The following TRPC4 variants were observed in gnomAD, a reference collection of about 807,000 sequenced individuals.
TRPC4 encodes the protein transient receptor potential cation channel subfamily C member 4.
TRPC4 carries 49 observed loss-of-function variants against 99.4 expected under a neutral mutation model. That is an observed-to-expected ratio of 0.49 (90% CI 0.39 to 0.63). TRPC4 has a LOEUF of 0.63. TRPC4 is among the 20% of genes least tolerant of loss of function. TRPC4 has a pLI of 0.00. For synonymous variants in TRPC4, 454 were observed against 425.9 expected (o/e 1.07, Z -0.81); for missense variants, 898 against 1,152.9 (o/e 0.78, Z 3.20).
In TRPC4 at chr13:37,755,063, T is replaced by C. The variant is rs533044139; in HGVS notation, c.379-8608A>G. Among the ~76,000 whole-genome samples the C allele has an allele frequency of 4.6e-5, 7 of 152,262 alleles. No individual in the cohort carries two copies. The East Asian group carries it at 1.2e-3, about 25-fold the overall frequency. On this transcript the variant is annotated intron_variant, in intron 2 of 10. Coordinates refer to ENST00000379705, the MANE Select transcript of TRPC4 (RefSeq NM_016179.4). ...TCTCTGTCACTAAAATATACATGTT[T>C]GAACCATTATTAATACTGAAGTCAA...
intron 1 of TRPC4, among the ~76,000 whole-genome samples, chr13:37,818,379 G>A (rs1191777138): frequency 6.6e-6 from 1 of 152,022 alleles, no homozygotes; most frequent in Non-Finnish European, 1.5e-5. Flanking sequence ...CAACCATTGG[G>A]GAAGACAGTG....
chr13:37,647,391 G>C (rs1355816819), intron 8 of TRPC4, among the ~76,000 whole-genome samples: 2 of 152,212 alleles, frequency 1.3e-5, no homozygotes, highest in African/African-American at 2.4e-5. Context: ...AACCAGCCTG[G>C]TAAACAAGGG....
chr13:37,692,542 G>T lies in TRPC4; in HGVS notation c.898-207C>A, dbSNP rs151323389. 3.5e-3 allele frequency among the ~76,000 whole-genome samples: 526 copies of T among 152,326 alleles called. 2 individuals carry two copies. The highest frequency in any genetic ancestry group is 0.012 in the African/African-American group (512 of 41,572). Reference sequence around the variant, plus strand: ...TTCTACCCAAGGCACAGTATGACATGCTTAGTGAGACATAACTGAAGTCAA... The same window carrying T: ...TTCTACCCAAGGCACAGTATGACATTCTTAGTGAGACATAACTGAAGTCAA... On this transcript the variant is annotated intron_variant, in intron 3 of 10. Transcript: ENST00000379705.
chr13:37,812,176 CAA>C lies in TRPC4; in HGVS notation c.-27-28818_-27-28817del, dbSNP rs61607544. On this transcript the variant is annotated intron_variant, in intron 1 of 10. Transcript: ENST00000379705. ...CCTAGGCAACAGACTGAGACTCTAT[CAA>C]AAAAAAAAAAAAAAAAACCAGGAGA... Among the ~76,000 whole-genome samples the C allele has an allele frequency of 8.0e-4, 44 of 55,164 alleles. 1 individual carries two copies. In the East Asian group the frequency reaches 0.022, roughly 27 times the overall value. 36.2% of individuals were successfully genotyped at this position (55,164 alleles called of 152,430 possible). A position where few individuals can be genotyped will look rare whatever the true frequency, so the allele number is the denominator to read the frequency against.
intron 1 of TRPC4, among the ~76,000 whole-genome samples, chr13:37,802,297 A>AT (rs1212333760): frequency 6.6e-6 from 1 of 152,038 alleles, no homozygotes; most frequent in Non-Finnish European, 1.5e-5. Flanking sequence ...ATTTCACCTT[A>AT]TTTTTGTCTA....
At position 37,702,286 on chromosome 13, in the gene TRPC4, C is replaced by T. The variant is rs569765434; in HGVS notation, c.898-9951G>A. Among the ~76,000 whole-genome samples the T allele has an allele frequency of 4.6e-5, 7 of 152,314 alleles. 1 individual carries two copies. The highest frequency in any genetic ancestry group is 4.1e-4 in the South Asian group (2 of 4,826). ...AATGATCTGTTTCCAAATAAAGTCA[C>T]GTTCTGAGGCAGGCACTTGGGGTTT... On this transcript the variant is annotated intron_variant, in intron 3 of 10. Coordinates refer to ENST00000379705, the MANE Select transcript of TRPC4 (RefSeq NM_016179.4).
At chr13:37,685,672 C>T (rs974398653) in intron 4 of TRPC4, among the ~76,000 whole-genome samples, 8 of 151,832 alleles carry the variant, frequency 5.3e-5, no homozygotes, top group Admixed American at 6.6e-5. Flanking sequence ...GTCTTTTCCC[C>T]TCTTCCCTTG....
At chr13:37,641,415 C>T (rs1044843390) in intron 8 of TRPC4, among the ~76,000 whole-genome samples, 5 of 152,076 alleles carry the variant, frequency 3.3e-5, no homozygotes. Flanking sequence ...TGTGGTAATA[C>T]CACAAAACTA....
At chr13:37,793,837 G>A (rs1354876078) in intron 1 of TRPC4, among the ~76,000 whole-genome samples, 1 of 152,122 alleles carries the variant, frequency 6.6e-6, no homozygotes, top group African/African-American at 2.4e-5. Flanking sequence ...AAAGGTTCAA[G>A]TTGTTCACCC....
intron 1 of TRPC4, among the ~76,000 whole-genome samples, chr13:37,833,727 C>G (rs1305246595): frequency 6.6e-6 from 1 of 152,174 alleles, no homozygotes; most frequent in Non-Finnish European, 1.5e-5. Flanking sequence ...CTTAGGAGAT[C>G]TGTGGTTGTG....
chr13:37,792,235 T>C (rs140790622), intron 1 of TRPC4, among the ~76,000 whole-genome samples: 2 of 152,272 alleles, frequency 1.3e-5, no homozygotes, highest in East Asian at 1.9e-4. Flanking sequence ...ACTCTGATGC[T>C]AGCACAATAT....
chr13:37,832,171 TA>T (rs1958440122), intron 1 of TRPC4, among the ~76,000 whole-genome samples: 1 of 152,202 alleles, frequency 6.6e-6, no homozygotes, highest in Non-Finnish European at 1.5e-5. Context: ...TCATTATTTG[TA>T]AATTACAGTA....
At chr13:37,825,578 C>T (rs1478557632) in intron 1 of TRPC4, among the ~76,000 whole-genome samples, 23 of 147,540 alleles carry the variant, frequency 1.6e-4, no homozygotes, top group African/African-American at 2.5e-4. Context: ...TGTAGTCCAG[C>T]GGTTTTGAGT....
intron 8 of TRPC4, among the ~76,000 whole-genome samples, chr13:37,647,215 T>C (rs990930888): frequency 2.6e-5 from 4 of 152,028 alleles, no homozygotes; most frequent in African/African-American, 9.7e-5. Context: ...AGCAGCAGGG[T>C]GACATTTACT....
At chr13:37,863,079 GCCTAGGTAT>G (rs1959493931) in intron 1 of TRPC4, among the ~76,000 whole-genome samples, 2 of 151,424 alleles carry the variant, frequency 1.3e-5, no homozygotes, top group Non-Finnish European at 3.0e-5. Context: ...ATTCCATATA[GCCTAGGTAT>G]GTAGTAAGCT....
intron 3 of TRPC4, among the ~76,000 whole-genome samples, chr13:37,731,575 G>A (rs1487756026): frequency 6.6e-6 from 1 of 151,958 alleles, no homozygotes; most frequent in Non-Finnish European, 1.5e-5. Flanking sequence ...AACTAGTACA[G>A]CTTCCTAGGC....
chr13:37,657,198 G>A (rs1464659881), intron 6 of TRPC4, among the ~76,000 whole-genome samples: 1 of 152,198 alleles, frequency 6.6e-6, no homozygotes, highest in African/African-American at 2.4e-5. Context: ...TTATTGTGAA[G>A]GAGAAAGGGC....
At chr13:37,838,640 A>T (rs1414656170) in intron 1 of TRPC4, among the ~76,000 whole-genome samples, 1 of 152,208 alleles carries the variant, frequency 6.6e-6, no homozygotes, top group Non-Finnish European at 1.5e-5. Context: ...CAAAAGTATC[A>T]AAATGATTCC....
chr13:37,659,348 C>T (rs929057426), intron 6 of TRPC4, among the ~76,000 whole-genome samples: 1 of 152,156 alleles, frequency 6.6e-6, no homozygotes. Flanking sequence ...CTTCCCTTCA[C>T]TCTTTTGCCA....
Sources: gnomAD v4.1 joint callset for allele counts (sites outside exome capture counted in the v4.1 genomes callset) on GRCh38, gnomAD v4.1.1 for gene constraint, MANE v1.5 for transcripts, NCBI Gene and HGNC (gene_info 2026-07-23, HGNC 2026-07-21) for gene names.